CACNA1C: variants seen among roughly 807,000 people sequenced by gnomAD.
CACNA1C encodes voltage-dependent L-type calcium channel subunit alpha-1C.
In CACNA1C, 30 loss-of-function variants were observed where a neutral mutation model predicts 229.0. That is an observed-to-expected ratio of 0.13 (90% CI 0.10 to 0.18). The LOEUF (loss-of-function observed/expected upper bound fraction) is 0.18, where lower values mean the gene tolerates loss of function less well. Among genes scored for constraint, CACNA1C ranks in the 10% least tolerant of loss-of-function variants. The probability of loss-of-function intolerance (pLI) is 1.00; values close to 1 mark genes in which losing one functional copy is unlikely to be tolerated. For synonymous variants in CACNA1C, 1,114 were observed against 1,132.5 expected, an observed-to-expected ratio of 0.98 and a Z score of 0.33; for missense variants, 1,658 against 2,845.0, an observed-to-expected ratio of 0.58 and a Z score of 9.49.
intron 13 of CACNA1C, among the ~76,000 whole-genome samples, chr12:2,568,324 G>A (rs1480608364): frequency 6.6e-6 from 1 of 152,132 alleles, no homozygotes; most frequent in Non-Finnish European, 1.5e-5. Context: ...ATAAGGGTTG[G>A]CAATGACATG....
chr12:2,517,322 G>C (rs890668753), intron 9 of CACNA1C, among the ~76,000 whole-genome samples: 1 of 152,250 alleles, frequency 6.6e-6, no homozygotes, highest in African/African-American at 2.4e-5. Flanking sequence ...ACCAGAAAGA[G>C]GAGAGGAGGA....
intron 11 of CACNA1C, among the ~76,000 whole-genome samples, chr12:2,560,980 G>A (rs527582009): frequency 6.6e-6 from 1 of 152,060 alleles, no homozygotes; most frequent in Admixed American, 6.5e-5. Flanking sequence ...AACTATTTTA[G>A]GAGCACTGTC....
rs779062610 is a variant in CACNA1C at position 2,605,709 on chromosome 12, C to T, written c.3079C>T (p.Arg1027Trp). Residue 1027 changes from arginine (R) to tryptophan (W), a missense_variant, in exon 24 of 47, where the codon CGG (arginine) becomes TGG (tryptophan). Physicochemically the swap from Arg to Trp is moderately radical, Grantham distance 101 (BLOSUM62 -3). This residue lies in a region of CACNA1C where 39 missense variants were observed against 143.3 expected (regional missense o/e 0.27). Transcript: ENST00000399655. The surrounding 1 kb of genome is among the most constrained non-coding windows in gnomAD (Gnocchi z 6.2). ...HVVQCVFVAI[R>W]TIGNIVIVTT... is the part of the protein sequence containing the mutation. ...GGTTCAGTGTGTGTTTGTCGCCATC[C>T]GGACCATCGGGAACATCGTGATTGT... The T allele has an allele frequency of 2.5e-6, 4 of 1,613,892 alleles. No individual in the cohort carries two copies. Among genetic ancestry groups the T allele is most frequent in the Non-Finnish European group, 2.5e-6 (3 of 1,179,818 alleles).
chr12:2,064,667 G>A (rs2058703494), intron 1 of CACNA1C, among the ~76,000 whole-genome samples: 1 of 152,218 alleles, frequency 6.6e-6, no homozygotes, highest in Non-Finnish European at 1.5e-5. Flanking sequence ...GGAGAGGGAA[G>A]CGAGCAGTGG....
intron 3 of CACNA1C, among the ~76,000 whole-genome samples, chr12:2,435,302 A>G (rs939124499): frequency 6.6e-6 from 1 of 152,252 alleles, no homozygotes; most frequent in East Asian, 1.9e-4. Flanking sequence ...GATTACCAGC[A>G]GGGCTCATGT....
At chr12:2,388,019 T>A (rs909993609) in intron 3 of CACNA1C, among the ~76,000 whole-genome samples, 3 of 152,124 alleles carry the variant, frequency 2.0e-5, no homozygotes, top group Non-Finnish European at 2.9e-5. Context: ...AAGAGGCTGC[T>A]GCAATGGATA....
Position 2,585,288 on chromosome 12 carries a change from CA to C in CACNA1C, c.2340-86del, listed in dbSNP as rs2061994966. The C allele has an allele frequency of 7.3e-7, 1 of 1,360,806 alleles. No homozygotes were observed. Among genetic ancestry groups the C allele is most frequent in the African/African-American group, 1.5e-5 (1 of 68,762 alleles). The allele number at this position is 1,360,806 out of a possible 1,614,324, so 84.3% of individuals were successfully genotyped here. A position where few individuals can be genotyped will look rare whatever the true frequency, so the allele number is the denominator to read the frequency against. On this transcript the variant is annotated intron_variant, in intron 16 of 46. Transcript: ENST00000399655. This position sits in a 1 kb window ranked among gnomAD's most constrained non-coding sequence, Gnocchi z 4.1. ...CCAGGGGATCTGTCCCCTCTGGCCC[CA>C]ACAGGCCACAGGGCGGTTCCCTCCT...
At chr12:2,675,863 C>T (rs2096782922) in intron 39 of CACNA1C, 2 of 152,170 alleles carry the variant, frequency 1.3e-5, no homozygotes, top group Admixed American at 6.5e-5. Flanking sequence ...AGTGGCACCC[C>T]CACAGTACCC....
rs146792112 is a variant in CACNA1C, at chr12:2,639,015, C to T, written c.3912+4635C>T. Among the ~76,000 whole-genome samples, 534 of 152,286 alleles carry T rather than the reference C, an allele frequency of 3.5e-3. No homozygotes were observed. The highest frequency in any genetic ancestry group is 5.6e-3 in the Non-Finnish European group (384 of 68,018). ...GAGAGGCCTGGGCCAGGGCCTCTGG[C>T]GCGAGGAGATCGGGACCCGCAAACT... is the stretch of plus-strand genomic sequence containing the variant. On this transcript the variant is annotated intron_variant, in intron 30 of 46. Transcript: ENST00000399655. The surrounding 1 kb of genome is among the most constrained non-coding windows in gnomAD (Gnocchi z 4.2).
intron 18 of CACNA1C, among the ~76,000 whole-genome samples, chr12:2,587,675 C>T (rs952037915): frequency 6.6e-6 from 1 of 152,186 alleles, no homozygotes; most frequent in Non-Finnish European, 1.5e-5. Context: ...CGTAGCTACC[C>T]AGTGGCTCTG....
intron 3 of CACNA1C, among the ~76,000 whole-genome samples, chr12:2,218,814 T>G (rs2060673292): frequency 6.6e-6 from 1 of 152,194 alleles, no homozygotes; most frequent in Non-Finnish European, 1.5e-5. Flanking sequence ...AGGGGTCTGA[T>G]CATTTCAGTG....
At chr12:2,392,256 C>T (rs1179568167) in intron 3 of CACNA1C, among the ~76,000 whole-genome samples, 1 of 152,234 alleles carries the variant, frequency 6.6e-6, no homozygotes, top group African/African-American at 2.4e-5. Context: ...ACTGAGCCAT[C>T]TATTTAGTCT....
chr12:2,004,450 A>C (rs753799062), intron 1 of CACNA1C: 3 of 1,598,108 alleles, frequency 1.9e-6, no homozygotes, highest in Non-Finnish European at 2.6e-6. Flanking sequence ...CCTCCCAGAC[A>C]TAGGCACGGG....
chr12:2,490,316 T>C (rs1297950532), intron 6 of CACNA1C, among the ~76,000 whole-genome samples: 3 of 152,244 alleles, frequency 2.0e-5, no homozygotes, highest in Non-Finnish European at 4.4e-5. Flanking sequence ...AGCCTTCTCC[T>C]CTTCCCTGTT....
intron 3 of CACNA1C, among the ~76,000 whole-genome samples, chr12:2,147,909 T>A (rs1019202670): frequency 6.6e-6 from 1 of 151,106 alleles, no homozygotes; most frequent in Non-Finnish European, 1.5e-5. Context: ...AGAATCCCAT[T>A]GGAAAGCAAT....
At chr12:1,982,450 C>A (rs1323690967) in intron 1 of CACNA1C, among the ~76,000 whole-genome samples, 1 of 152,110 alleles carries the variant, frequency 6.6e-6, no homozygotes, top group Non-Finnish European at 1.5e-5. Context: ...CTCTAGGTAC[C>A]TCACAGAAGT....
At chr12:2,312,550 C>T (rs922711054) in intron 3 of CACNA1C, among the ~76,000 whole-genome samples, 1 of 152,222 alleles carries the variant, frequency 6.6e-6, no homozygotes, top group African/African-American at 2.4e-5. Flanking sequence ...ACCTCCTCCT[C>T]TTCTCTTCAG....
Position 2,583,022 on chromosome 12 carries a change from A to G in CACNA1C, c.2224+80A>G, listed in dbSNP as rs2061111851. On this transcript the variant is annotated intron_variant, in intron 15 of 46. Transcript: ENST00000399655. ...ACAGTGCCAAACGGGCACGCCCCTC[A>G]GGTCCGGGCGGTCCTGCTCGGGCTC... 6 of 1,035,418 alleles carry G rather than the reference A, an allele frequency of 5.8e-6. No homozygotes were observed. In the South Asian group the frequency reaches 8.5e-5, roughly 15 times the overall value. 64.1% of individuals were successfully genotyped at this position (1,035,418 alleles called of 1,614,324 possible).
At chr12:2,367,457 G>T (rs1403940353) in intron 3 of CACNA1C, among the ~76,000 whole-genome samples, 1 of 152,086 alleles carries the variant, frequency 6.6e-6, no homozygotes, top group African/African-American at 2.4e-5. Flanking sequence ...GACAGAAGTA[G>T]GGTTGAACGT....
Sources: allele counts gnomAD v4.1 joint callset (sites outside exome capture counted in the v4.1 genomes callset), GRCh38; gene constraint gnomAD v4.1.1; regional missense constraint gnomAD v4.1.1; non-coding constraint Gnocchi (gnomAD v3.1); transcripts MANE v1.5; gene names NCBI Gene and HGNC (gene_info 2026-07-23, HGNC 2026-07-21).